Variants in SHANK2 observed in about 807,000 individuals in gnomAD.
SHANK2 encodes the protein SH3 and multiple ankyrin repeat domains 2, also known as SH3 and multiple ankyrin repeat domains protein 2.
A neutral mutation model predicts 133.7 loss-of-function variants in SHANK2; 43 were observed. The ratio of observed to expected loss-of-function variants is 0.32; its 90% CI spans 0.25 to 0.41. SHANK2 has a LOEUF of 0.41. SHANK2 is among the 10% of genes least tolerant of loss of function. The pLI, the probability that SHANK2 is intolerant of heterozygous loss-of-function variation, is 1.00. For synonymous variants in SHANK2, 1,017 were observed against 952.8 expected (o/e 1.07, Z -1.24); for missense variants, 1,994 against 2,235.8 (o/e 0.89, Z 2.18).
At position 70,820,634 on chromosome 11, in the gene SHANK2, G is replaced by A. The variant is rs782646457; in HGVS notation, c.1223C>T (p.Pro408Leu). Residue 408 changes from proline (P) to leucine (L), a missense_variant, in exon 12 of 26, where the codon CCC (proline) becomes CTC (leucine). Coordinates refer to ENST00000601538, the MANE Select transcript of SHANK2 (RefSeq NM_012309.5). ...GACCCGGGGGGCGGCCAGCGTGTTG[G>A]GGGGCCGCCGCCGGCGGTTGGAGTA... ...PAYSNRRRRP[P>L]NTLAAPRVLL... 2 of 710,078 alleles carry A rather than the reference G, an allele frequency of 2.8e-6. No individual in the cohort carries two copies. Among genetic ancestry groups the A allele is most frequent in the Non-Finnish European group, 5.3e-6 (2 of 380,904 alleles). The allele number at this position is 710,078 out of a possible 1,614,324, so 44.0% of individuals were successfully genotyped here.
At chr11:71,187,801 C>G (rs1187054893) in intron 2 of SHANK2, among the ~76,000 whole-genome samples, 1 of 152,216 alleles carries the variant, frequency 6.6e-6, no homozygotes, top group Non-Finnish European at 1.5e-5. Flanking sequence ...AAGTTAGAGA[C>G]AGTGTCTTCC....
chr11:70,574,228 G>T (rs993649123), intron 17 of SHANK2, among the ~76,000 whole-genome samples: 6 of 152,248 alleles, frequency 3.9e-5, no homozygotes, highest in Non-Finnish European at 7.3e-5. Context: ...GACACAGACT[G>T]CGGAGGTGTG....
chr11:71,067,569 T>C, intron 9 of SHANK2, among the ~76,000 whole-genome samples: 1 of 152,194 alleles, frequency 6.6e-6, no homozygotes, highest in African/African-American at 2.4e-5. Flanking sequence ...TTATTACAAG[T>C]GTGGAGGTGG....
intron 14 of SHANK2, among the ~76,000 whole-genome samples, chr11:70,706,957 TCTGA>T (rs1368971804): frequency 2.0e-5 from 3 of 152,092 alleles, no homozygotes; most frequent in Non-Finnish European, 4.4e-5. Flanking sequence ...GATCCTGCGC[TCTGA>T]CTGTTTCTGG....
At chr11:70,602,561 T>C (rs2060514958) in intron 17 of SHANK2, among the ~76,000 whole-genome samples, 1 of 152,188 alleles carries the variant, frequency 6.6e-6, no homozygotes. Flanking sequence ...AGACCCCAGA[T>C]TCCCACCTCC....
At chr11:71,134,952 G>C (rs1195625437) in intron 3 of SHANK2, among the ~76,000 whole-genome samples, 2 of 152,086 alleles carry the variant, frequency 1.3e-5, no homozygotes, top group East Asian at 3.9e-4. Context: ...CACATGCTCT[G>C]TACCAAACCT....
At chr11:71,173,475 A>C (rs1475420209) in intron 2 of SHANK2, among the ~76,000 whole-genome samples, 1 of 152,208 alleles carries the variant, frequency 6.6e-6, no homozygotes, top group Non-Finnish European at 1.5e-5. Flanking sequence ...CCAGCACACA[A>C]AGCTAATACT....
chr11:71,147,812 A>G (rs1376846560), intron 2 of SHANK2, among the ~76,000 whole-genome samples: 1 of 152,220 alleles, frequency 6.6e-6, no homozygotes, highest in Non-Finnish European at 1.5e-5. Context: ...TTCACGCTAT[A>G]ATAACCCTCT....
chr11:71,153,779 G>A (rs1355496342), intron 2 of SHANK2, among the ~76,000 whole-genome samples: 6 of 152,076 alleles, frequency 3.9e-5, no homozygotes, highest in African/African-American at 1.4e-4. Flanking sequence ...GAGACCAGCC[G>A]GTCAACATGG....
intron 2 of SHANK2, among the ~76,000 whole-genome samples, chr11:71,200,157 T>C (rs1339693350): frequency 6.6e-6 from 1 of 152,218 alleles, no homozygotes; most frequent in Non-Finnish European, 1.5e-5. Flanking sequence ...ACTGCTAGTC[T>C]ATTTTCTGCC....
rs1555151041 is a variant in SHANK2 at position 70,479,782 on chromosome 11, A to G, written c.4979+5532T>C. On this transcript the variant is annotated intron_variant, in intron 25 of 25. Transcript: ENST00000601538. The surrounding 1 kb of genome is among the most constrained non-coding windows in gnomAD (Gnocchi z 4.4). ...AACATCAGATTTATCTGGCTTTACT[A>G]TCGGCGCCTGGTATGTGTCAGTATC... 6.6e-6 allele frequency among the ~76,000 whole-genome samples: 1 copy of G among 152,234 alleles called. No homozygotes were observed. The highest frequency in any genetic ancestry group is 2.4e-5 in the African/African-American group (1 of 41,454).
At chr11:70,846,992 G>A (rs1311190320) in intron 11 of SHANK2, among the ~76,000 whole-genome samples, 11 of 152,242 alleles carry the variant, frequency 7.2e-5, no homozygotes, top group Admixed American at 7.2e-4. Context: ...TCTCTGATCT[G>A]AGGATGGGCA....
At chr11:70,608,479 G>A (rs1554993202) in intron 17 of SHANK2, among the ~76,000 whole-genome samples, 2 of 152,168 alleles carry the variant, frequency 1.3e-5, no homozygotes, top group Non-Finnish European at 2.9e-5. Flanking sequence ...TGAGTTCTGG[G>A]ACCTGGGCTA....
intron 17 of SHANK2, among the ~76,000 whole-genome samples, chr11:70,658,335 T>C (rs2061438622): frequency 7.2e-6 from 1 of 138,090 alleles, no homozygotes. Flanking sequence ...GGGACTCACA[T>C]CCCAACTGCA....
At chr11:71,092,734 C>T in intron 7 of SHANK2, 145 bp from the exon 8 acceptor site, 2 of 762,606 alleles carry the variant, frequency 2.6e-6, no homozygotes, top group South Asian at 3.6e-5. Context: ...TCCTGGGCTC[C>T]CCAGAATTAA....
intron 11 of SHANK2, among the ~76,000 whole-genome samples, chr11:70,877,125 C>T (rs1204342045): frequency 5.9e-5 from 9 of 152,212 alleles, no homozygotes; most frequent in South Asian, 2.1e-4. Context: ...AAAAAGAATA[C>T]GGATAATTTA....
In SHANK2 at chr11:70,485,142, G is replaced by A. The variant is rs983727641; in HGVS notation, c.4979+172C>T. 5.9e-5 allele frequency among the ~76,000 whole-genome samples: 9 copies of A among 152,188 alleles called. No homozygotes were observed. Among genetic ancestry groups the A allele is most frequent in the African/African-American group, 1.2e-4 (5 of 41,440 alleles). ...GCTGTGATCATTACTCGGCTATCCC[G>A]GAGTCCAGGAGCATGAGAAAAAGAA... On this transcript the variant is annotated intron_variant, in intron 25 of 25. Transcript: ENST00000601538. The surrounding 1 kb of genome is among the most constrained non-coding windows in gnomAD (Gnocchi z 5.8).
intron 10 of SHANK2, among the ~76,000 whole-genome samples, chr11:70,902,731 A>G (rs1422853788): frequency 2.6e-5 from 4 of 152,164 alleles, no homozygotes; most frequent in Admixed American, 2.6e-4. Context: ...GAATGAAGCA[A>G]TCATATCTGA....
rs1213364868 is a variant in SHANK2, at chr11:71,069,758, T to C, written c.1029+5401A>G. 3.9e-5 allele frequency among the ~76,000 whole-genome samples: 6 copies of C among 152,156 alleles called. No homozygotes were observed. The East Asian group carries it at 1.2e-3, about 29-fold the overall frequency. ...ATGAAACCCAGACCACCATGCCTCT[T>C]TGAATTACTGTTCCACTTCCTCAGG... On this transcript the variant is annotated intron_variant, in intron 9 of 25. Transcript: ENST00000601538.
Sources: gnomAD v4.1 joint callset for allele counts (sites outside exome capture counted in the v4.1 genomes callset) on GRCh38, gnomAD v4.1.1 for gene constraint, Gnocchi (gnomAD v3.1) non-coding constraint, MANE v1.5 for transcripts, NCBI Gene and HGNC (gene_info 2026-07-23, HGNC 2026-07-21) for gene names.